MDGA2: variants seen among roughly 807,000 people sequenced by gnomAD.
The protein encoded by MDGA2 is MAM domain-containing glycosylphosphatidylinositol anchor protein 2.
Under a neutral mutation model 117.8 loss-of-function variants are expected in MDGA2, and 40 were observed. The observed-to-expected ratio is 0.34, with a 90% confidence interval of 0.26 to 0.44. The LOEUF (loss-of-function observed/expected upper bound fraction) is 0.44, where lower values mean the gene tolerates loss of function less well. Among genes scored for constraint, MDGA2 ranks in the 20% least tolerant of loss-of-function variants. The pLI is 1.00. For synonymous variants in MDGA2, 452 were observed against 439.0 expected (o/e 1.03, Z -0.37); for missense variants, 1,123 against 1,250.6 (o/e 0.90, Z 1.54).
At chr14:47,533,266 C>T (rs1187231985) in intron 1 of MDGA2, among the ~76,000 whole-genome samples, 4 of 152,166 alleles carry the variant, frequency 2.6e-5, no homozygotes. Flanking sequence ...CAACATATGT[C>T]TGAGACATGC....
intron 6 of MDGA2, among the ~76,000 whole-genome samples, chr14:47,090,321 C>T (rs1054652360): frequency 2.0e-5 from 3 of 151,836 alleles, no homozygotes; most frequent in African/African-American, 7.3e-5. Context: ...CAAAGGTTAA[C>T]TCTATTTCAA....
chr14:47,588,118 T>G (rs74977230), intron 1 of MDGA2, among the ~76,000 whole-genome samples: 2,213 of 151,448 alleles, frequency 0.015, 51 homozygotes, highest in East Asian at 0.12. Flanking sequence ...TTTATCTACT[T>G]ATAGGTGGAT....
At chr14:47,620,940 G>A (rs1217289317) in intron 1 of MDGA2, among the ~76,000 whole-genome samples, 1 of 152,158 alleles carries the variant, frequency 6.6e-6, no homozygotes, top group African/African-American at 2.4e-5. Context: ...AATTACGACT[G>A]TAATCACTGA....
intron 2 of MDGA2, among the ~76,000 whole-genome samples, chr14:47,291,792 C>G (rs1442649918): frequency 6.6e-6 from 1 of 152,136 alleles, no homozygotes; most frequent in Non-Finnish European, 1.5e-5. Flanking sequence ...ACTTTTGCAC[C>G]ATTGTAAAGT....
chr14:47,076,693 C>T (rs1443882139), intron 6 of MDGA2, among the ~76,000 whole-genome samples: 1 of 151,876 alleles, frequency 6.6e-6, no homozygotes, highest in African/African-American at 2.4e-5. Flanking sequence ...ACTATATGAA[C>T]CATGCACCTT....
At chr14:47,298,428 C>T (rs1889150471) in intron 2 of MDGA2, among the ~76,000 whole-genome samples, 6 of 152,104 alleles carry the variant, frequency 3.9e-5, no homozygotes, top group Admixed American at 2.6e-4. Flanking sequence ...CAAGAATAGG[C>T]AGCAGATTAA....
chr14:47,666,724 C>G (rs923310350), intron 1 of MDGA2, among the ~76,000 whole-genome samples: 1 of 152,186 alleles, frequency 6.6e-6, no homozygotes, highest in African/African-American at 2.4e-5. Flanking sequence ...CCCTTCCACA[C>G]TGTGGAAGCT....
chr14:47,266,835 T>A (rs1176723354), intron 2 of MDGA2, among the ~76,000 whole-genome samples: 1 of 152,188 alleles, frequency 6.6e-6, no homozygotes, highest in Non-Finnish European at 1.5e-5. Context: ...TCAACTTCAC[T>A]CTTTATGCAT....
At chr14:47,114,288 G>A (rs892040755) in intron 5 of MDGA2, among the ~76,000 whole-genome samples, 8 of 152,166 alleles carry the variant, frequency 5.3e-5, no homozygotes, top group Admixed American at 4.6e-4. Context: ...ACAAACAAAT[G>A]GAAGAACATT....
At chr14:47,075,080 C>G (rs1286181707) in intron 6 of MDGA2, among the ~76,000 whole-genome samples, 3 of 152,058 alleles carry the variant, frequency 2.0e-5, no homozygotes. Context: ...AGAATGTGCC[C>G]TTACTGTTGG....
chr14:47,403,264 A>C, intron 1 of MDGA2, among the ~76,000 whole-genome samples: 1 of 152,184 alleles, frequency 6.6e-6, no homozygotes, highest in East Asian at 1.9e-4. Flanking sequence ...TCTTAACCAA[A>C]TTAACATCTT....
intron 1 of MDGA2, among the ~76,000 whole-genome samples, chr14:47,400,668 G>C (rs1332850551): frequency 2.7e-4 from 40 of 146,462 alleles, no homozygotes; most frequent in African/African-American, 9.8e-4. Context: ...CCTGGGCGAC[G>C]AAGCAAGACT....
At chr14:47,602,089 C>T (rs1005211150) in intron 1 of MDGA2, among the ~76,000 whole-genome samples, 16 of 152,108 alleles carry the variant, frequency 1.1e-4, no homozygotes, top group African/African-American at 3.4e-4. Context: ...AAGCTCCTCT[C>T]GGGACTGAAA....
intron 8 of MDGA2, among the ~76,000 whole-genome samples, chr14:46,979,719 A>C (rs1377432834): frequency 6.6e-6 from 1 of 152,188 alleles, no homozygotes; most frequent in African/African-American, 2.4e-5. Context: ...AGGATGACAG[A>C]TGTGAGGAAG....
At chr14:47,328,846 T>C (rs1594799029) in intron 1 of MDGA2, among the ~76,000 whole-genome samples, 1 of 152,140 alleles carries the variant, frequency 6.6e-6, no homozygotes, top group East Asian at 1.9e-4. Context: ...ATAAGCCAAT[T>C]AAGATTGCGG....
rs576785642 is a variant in MDGA2, at chr14:46,891,340, GAA to G, written c.2239-9121_2239-9120del. 2.0e-5 allele frequency among the ~76,000 whole-genome samples: 3 copies of G among 151,010 alleles called. No individual in the cohort carries two copies. In the South Asian group the frequency reaches 6.2e-4, roughly 31 times the overall value. Reference sequence around the variant, plus strand: ...AAAAATAAAATGATAAAAATGAAGAGAAAAGAGTAAATATGGTATCTCAGAAA... The same window carrying G: ...AAAAATAAAATGATAAAAATGAAGAGAAGAGTAAATATGGTATCTCAGAAA... On this transcript the variant is annotated intron_variant, in intron 10 of 16. Coordinates refer to ENST00000399232, the MANE Select transcript of MDGA2 (RefSeq NM_001113498.3).
intron 2 of MDGA2, among the ~76,000 whole-genome samples, chr14:47,269,684 A>T (rs1033980096): frequency 6.6e-6 from 1 of 152,150 alleles, no homozygotes; most frequent in Non-Finnish European, 1.5e-5. Flanking sequence ...CTAGGCTCTT[A>T]CTCAGAGCAT....
intron 8 of MDGA2, among the ~76,000 whole-genome samples, chr14:46,981,178 G>GGC (rs1886658909): frequency 6.6e-6 from 1 of 151,576 alleles, no homozygotes; most frequent in African/African-American, 2.4e-5. Context: ...CCAAGGGGGG[G>GGC]GCGGATCATG....
intron 2 of MDGA2, among the ~76,000 whole-genome samples, chr14:47,249,893 G>A (rs1281998931): frequency 6.6e-6 from 1 of 152,142 alleles, no homozygotes; most frequent in African/African-American, 2.4e-5. Flanking sequence ...AAGGTAATAG[G>A]AGACAATACA....
Sources: allele counts gnomAD v4.1 joint callset (sites outside exome capture counted in the v4.1 genomes callset), GRCh38; gene constraint gnomAD v4.1.1; transcripts MANE v1.5; gene names NCBI Gene and HGNC (gene_info 2026-07-23, HGNC 2026-07-21).